The following HDLBP variants were observed in gnomAD, a reference collection of about 807,000 sequenced individuals.
HDLBP encodes vigilin.
HDLBP carries 30 observed loss-of-function variants against 137.3 expected under a neutral mutation model. The ratio of observed to expected loss-of-function variants is 0.22; its 90% CI spans 0.16 to 0.30. HDLBP has a LOEUF of 0.30. Among genes scored for constraint, HDLBP ranks in the 10% least tolerant of loss-of-function variants. HDLBP has a pLI of 1.00. For synonymous variants in HDLBP, 606 were observed against 596.0 expected (o/e 1.02, Z -0.24); for missense variants, 1,119 against 1,667.3 (o/e 0.67, Z 5.73).
At chr2:241,265,461 C>G (rs895936957) in intron 3 of HDLBP, among the ~76,000 whole-genome samples, 10 of 152,214 alleles carry the variant, frequency 6.6e-5, no homozygotes, top group African/African-American at 2.4e-4. Context: ...CTGATCTCCC[C>G]CTGCCCTGCC....
chr2:241,297,612 CCT>C (rs2075228816), intron 1 of HDLBP, among the ~76,000 whole-genome samples: 1 of 152,060 alleles, frequency 6.6e-6, no homozygotes, highest in African/African-American at 2.4e-5. Flanking sequence ...GTGCCTAGAC[CCT>C]GTTTCTCTGA....
intron 3 of HDLBP, among the ~76,000 whole-genome samples, chr2:241,266,342 A>G (rs911509463): frequency 6.6e-6 from 1 of 152,192 alleles, no homozygotes; most frequent in Non-Finnish European, 1.5e-5. Context: ...TAAAAATTGT[A>G]CACGTGGCTT....
Position 241,239,853 on chromosome 2 carries a change from A to ACC in HDLBP, c.2392-35_2392-34dup, listed in dbSNP as rs1213373296. On this transcript the variant is annotated intron_variant, in intron 18 of 27. Transcript: ENST00000310931. This position sits in a 1 kb window ranked among gnomAD's most constrained non-coding sequence, Gnocchi z 4.6. ...GTTAAGAAGAGATGGAAGATAAGCCACCCCATCACGGCCCCAGCAGAGTCG... is the reference window on the plus strand; with the variant it reads ...GTTAAGAAGAGATGGAAGATAAGCCACCCCCCATCACGGCCCCAGCAGAGTCG... 6.2e-6 allele frequency: 10 copies of ACC among 1,611,396 alleles called. No individual in the cohort carries two copies. The highest frequency in any genetic ancestry group is 8.5e-6 in the Non-Finnish European group (10 of 1,177,988).
At chr2:241,243,819 C>T (rs912011089) in intron 16 of HDLBP, 2 of 152,272 alleles carry the variant, frequency 1.3e-5, no homozygotes, top group Non-Finnish European at 2.9e-5. Context: ...TTCAGAGTGA[C>T]TTCACAAACA....
chr2:241,267,267 G>A (rs2073748620), intron 2 of HDLBP, among the ~76,000 whole-genome samples: 1 of 152,154 alleles, frequency 6.6e-6, no homozygotes. Context: ...GAAAGTTTAA[G>A]AAATTTGTGT....
In HDLBP at chr2:241,268,630, C is replaced by G. The variant is rs189156742; in HGVS notation, c.-102-89G>C. 4.2e-4 allele frequency: 160 copies of G among 377,456 alleles called. 1 individual carries two copies. Among genetic ancestry groups the G allele is most frequent in the African/African-American group, 3.4e-3 (153 of 45,544 alleles). The allele number at this position is 377,456 out of a possible 1,614,324, so 23.4% of individuals were successfully genotyped here. ...TTTTACAACTCAGATCTTTTTACCT[C>G]AAAATCAGAAAAGGTCAAGATATTT... On this transcript the variant is annotated intron_variant, in intron 1 of 27. Transcript: ENST00000310931.
rs796814911 is a variant in HDLBP, at chr2:241,278,474, T to C, written c.-102-9933A>G. Among the ~76,000 whole-genome samples, 6 of 152,182 alleles carry C rather than the reference T, an allele frequency of 3.9e-5. No homozygotes were observed. The South Asian group carries it at 1.2e-3, about 32-fold the overall frequency. On this transcript the variant is annotated intron_variant, in intron 1 of 27. Coordinates refer to ENST00000310931, the MANE Select transcript of HDLBP (RefSeq NM_005336.6). ...GGCACATGCCTGTACTCCCAGCTAC[T>C]TGGGAGGCTGAGGCAGGAGGATTGC...
intron 13 of HDLBP, 23 bp downstream of exon 13, chr2:241,248,221 A>C: frequency 6.3e-7 from 1 of 1,591,178 alleles, no homozygotes; most frequent in African/African-American, 1.3e-5. Flanking sequence ...ATAGAGTTAC[A>C]GAATGTCTCT....
Position 241,272,900 on chromosome 2 carries a change from C to T in HDLBP, c.-102-4359G>A. ...CCAATCCCGCCTGGACACGTCAGCG[C>T]CCGCCCGCCCCGCCGCTGGGGTCCC... On this transcript the variant is annotated intron_variant, in intron 1 of 27. Transcript: ENST00000310931. This position sits in a 1 kb window ranked among gnomAD's most constrained non-coding sequence, Gnocchi z 5.6. 3 of 551,306 alleles carry T rather than the reference C, an allele frequency of 5.4e-6. No individual in the cohort carries two copies. The highest frequency in any genetic ancestry group is 6.9e-6 in the Non-Finnish European group (3 of 433,458). The allele number at this position is 551,306 out of a possible 1,614,324, so 34.2% of individuals were successfully genotyped here. A position where few individuals can be genotyped will look rare whatever the true frequency, so the allele number is the denominator to read the frequency against.
At chr2:241,277,659 CAA>C (rs1213371067) in intron 1 of HDLBP, among the ~76,000 whole-genome samples, 2 of 152,150 alleles carry the variant, frequency 1.3e-5, no homozygotes, top group Non-Finnish European at 2.9e-5. Flanking sequence ...TTCAAAGAAA[CAA>C]ATATAAAACT....
At chr2:241,307,582 T>C (rs974741664) in intron 1 of HDLBP, among the ~76,000 whole-genome samples, 2 of 152,208 alleles carry the variant, frequency 1.3e-5, no homozygotes, top group African/African-American at 4.8e-5. Context: ...AACAAAACAA[T>C]GTAAAAACTG....
rs371477692 is a variant in HDLBP at position 241,241,833 on chromosome 2, T to C, written c.2169+627A>G. Among the ~76,000 whole-genome samples the C allele has an allele frequency of 1.8e-3, 274 of 152,112 alleles. 1 individual carries two copies. Among genetic ancestry groups the C allele is most frequent in the Non-Finnish European group, 2.8e-3 (193 of 67,992 alleles). On this transcript the variant is annotated intron_variant, in intron 17 of 27. Transcript: ENST00000310931. ...TAAAGAATCACAGACCTAAAAAAAA[T>C]GGAGAAATGCCTGCAAAAGTCAAAA...
chr2:241,274,410 C>T (rs1029097617), intron 1 of HDLBP, among the ~76,000 whole-genome samples: 1 of 152,222 alleles, frequency 6.6e-6, no homozygotes, highest in African/African-American at 2.4e-5. Flanking sequence ...GCATTCCCTT[C>T]TGTGTCACTG....
intron 10 of HDLBP, 131 bp from the exon 11 acceptor site, chr2:241,253,166 G>C (rs1049444658): frequency 1.3e-5 from 9 of 682,388 alleles, no homozygotes; most frequent in Non-Finnish European, 2.4e-5. Context: ...GACTGCCCCT[G>C]CATCTCCCCT....
At chr2:241,314,091 T>C (rs949773139) in intron 1 of HDLBP, among the ~76,000 whole-genome samples, 2 of 152,200 alleles carry the variant, frequency 1.3e-5, no homozygotes, top group African/African-American at 2.4e-5. Flanking sequence ...GTCTAAAACT[T>C]GATAGGTTGA....
intron 1 of HDLBP, among the ~76,000 whole-genome samples, chr2:241,285,854 C>T (rs10205490): frequency 1.5e-4 from 23 of 152,044 alleles, no homozygotes; most frequent in African/African-American, 5.5e-4. Flanking sequence ...CAAAGTGAGA[C>T]CTCATTTCTT....
intron 16 of HDLBP, among the ~76,000 whole-genome samples, chr2:241,246,149 T>C (rs1329580147): frequency 1.3e-5 from 2 of 151,868 alleles, no homozygotes; most frequent in East Asian, 3.9e-4. Context: ...TCCTGCAAAG[T>C]GAAAGCAGAT....
rs188506309 is a variant in HDLBP at position 241,294,000 on chromosome 2, T to C, written c.-103+21570A>G. Among the ~76,000 whole-genome samples the C allele has an allele frequency of 2.6e-4, 39 of 151,444 alleles. No homozygotes were observed. In the East Asian group the frequency reaches 4.1e-3, roughly 16 times the overall value. ...AAATCAGTTTCTTTGAAAAAAGCAATTGAAGAGCAATTAACTCTCTCTAGC... is the reference window on the plus strand; with the variant it reads ...AAATCAGTTTCTTTGAAAAAAGCAACTGAAGAGCAATTAACTCTCTCTAGC... On this transcript the variant is annotated intron_variant, in intron 1 of 27. Transcript: ENST00000310931.
At chr2:241,242,214 AAAAC>A (rs1404706878) in intron 17 of HDLBP, among the ~76,000 whole-genome samples, 18 of 152,236 alleles carry the variant, frequency 1.2e-4, no homozygotes, top group Admixed American at 6.5e-5. Flanking sequence ...TCATATTTAA[AAAAC>A]AAAAGCACCC....
Sources: allele counts gnomAD v4.1 joint callset (sites outside exome capture counted in the v4.1 genomes callset), GRCh38; gene constraint gnomAD v4.1.1; non-coding constraint Gnocchi (gnomAD v3.1); transcripts MANE v1.5; gene names NCBI Gene and HGNC (gene_info 2026-07-23, HGNC 2026-07-21).